The following ZNF664 variants were observed in gnomAD, a reference collection of about 807,000 sequenced individuals.
The protein encoded by ZNF664 is zinc finger Organ of Corti 1.
ZNF664 carries 10 observed loss-of-function variants against 18.2 expected under a neutral mutation model. That is an observed-to-expected ratio of 0.55 (90% CI 0.34 to 0.93). ZNF664 has a LOEUF of 0.93. ZNF664 is among the 40% of genes least tolerant of loss of function. ZNF664 has a pLI of 0.02. For synonymous variants in ZNF664, 119 were observed against 104.2 expected (o/e 1.14, Z -0.86); for missense variants, 193 against 319.0 (o/e 0.61, Z 3.01).
intron 2 of ZNF664, among the ~76,000 whole-genome samples, chr12:123,980,191 G>C (rs1314503552): frequency 6.6e-6 from 1 of 152,090 alleles, no homozygotes; most frequent in Non-Finnish European, 1.5e-5. Context: ...ATTTAATTCT[G>C]ATTACTTCAT....
At chr12:123,980,416 A>C (rs1393250338) in intron 2 of ZNF664, among the ~76,000 whole-genome samples, 3 of 152,254 alleles carry the variant, frequency 2.0e-5, no homozygotes, top group African/African-American at 7.2e-5. Context: ...ATATGTGTCA[A>C]GAGTCTTAAA....
chr12:123,985,163 C>T (rs998786640), intron 2 of ZNF664, among the ~76,000 whole-genome samples: 6 of 151,868 alleles, frequency 4.0e-5, no homozygotes, highest in East Asian at 1.9e-4. Context: ...TGGTCTTAGT[C>T]GGGGGATGGC....
intron 3 of ZNF664, among the ~76,000 whole-genome samples, chr12:123,999,881 A>G (rs1030576871): frequency 7.9e-5 from 12 of 152,226 alleles, no homozygotes; most frequent in Non-Finnish European, 1.3e-4. Context: ...GAAGGGGGCA[A>G]TAGCCACATA....
At chr12:123,988,287 C>G (rs1956847934) in intron 3 of ZNF664, 149 bp downstream of exon 3, 3 of 607,362 alleles carry the variant, frequency 4.9e-6, no homozygotes, top group Non-Finnish European at 7.2e-6. Flanking sequence ...TTCCTGACCT[C>G]TCGCCTTTAT....
Position 124,011,534 on chromosome 12 carries a change from T to C in ZNF664, c.-599-12T>C, listed in dbSNP as rs1957135985. On this transcript the variant is annotated splice_polypyrimidine_tract_variant and intron_variant, in intron 4 of 4. Transcript: ENST00000337815. ...AGCATTTTCAATTTATTTATTTATG[T>C]TTCTATTACAGGAGACGGCATGATA... 1 of 799,474 alleles carries C rather than the reference T, an allele frequency of 1.3e-6. No individual in the cohort carries two copies. The highest frequency in any genetic ancestry group is 1.9e-5 in the African/African-American group (1 of 53,070). The allele number at this position is 799,474 out of a possible 1,614,324, so 49.5% of individuals were successfully genotyped here. A position where few individuals can be genotyped will look rare whatever the true frequency, so the allele number is the denominator to read the frequency against.
intron 3 of ZNF664, among the ~76,000 whole-genome samples, chr12:123,995,903 A>G (rs1441881883): frequency 2.0e-5 from 3 of 152,202 alleles, no homozygotes; most frequent in Non-Finnish European, 2.9e-5. Flanking sequence ...GTGAGAGGGA[A>G]GATCTGGGGA....
At chr12:124,003,773 A>G (rs2138430593) in intron 3 of ZNF664, among the ~76,000 whole-genome samples, 1 of 152,224 alleles carries the variant, frequency 6.6e-6, no homozygotes, top group Middle Eastern at 3.4e-3. Flanking sequence ...GGAAGATGGG[A>G]GATTTGAAGA....
In ZNF664 at chr12:124,012,500, A is replaced by C. The variant is rs1957145085; in HGVS notation, c.356A>C (p.Glu119Ala). 6.2e-7 allele frequency: 1 copy of C among 1,614,096 alleles called. No individual in the cohort carries two copies. Among genetic ancestry groups the C allele is most frequent in the Non-Finnish European group, 8.5e-7 (1 of 1,180,054 alleles). Residue 119 changes from glutamate (E) to alanine (A), a missense_variant, in exon 5 of 5, where the codon GAG (glutamate) becomes GCG (alanine). Transcript: ENST00000337815. ...HTGEKPYVCS[E>A]CGRGFSNSSN... ...GGTGAGAAACCGTATGTCTGTAGTG[A>C]GTGTGGAAGGGGCTTTAGTAATAGT...
intron 2 of ZNF664, among the ~76,000 whole-genome samples, chr12:123,979,383 G>A (rs2138324213): frequency 6.6e-6 from 1 of 152,240 alleles, no homozygotes; most frequent in East Asian, 1.9e-4. Flanking sequence ...AGGGCATCAG[G>A]CAAAAATTAA....
intron 2 of ZNF664, among the ~76,000 whole-genome samples, chr12:123,976,876 C>T (rs538909292): frequency 2.6e-5 from 4 of 152,030 alleles, no homozygotes; most frequent in South Asian, 2.1e-4. Flanking sequence ...GTCAGGAGAC[C>T]GAGACCATCC....
intron 3 of ZNF664, among the ~76,000 whole-genome samples, chr12:123,992,520 C>A (rs531450586): frequency 6.6e-6 from 1 of 152,148 alleles, no homozygotes; most frequent in Non-Finnish European, 1.5e-5. Flanking sequence ...AAGCTGACTT[C>A]AGAACCCTTG....
chr12:123,993,704 CTTTAA>C (rs894615020), intron 3 of ZNF664, among the ~76,000 whole-genome samples: 4 of 152,124 alleles, frequency 2.6e-5, no homozygotes, highest in Non-Finnish European at 5.9e-5. Flanking sequence ...ACAACGTTTC[CTTTAA>C]TTTATTTTTT....
chr12:124,015,292 C>T lies in ZNF664; in HGVS notation c.*2362C>T, dbSNP rs3768. On this transcript the variant is annotated 3_prime_UTR_variant, in exon 5 of 5. Coordinates refer to ENST00000337815, the MANE Select transcript of ZNF664 (RefSeq NM_152437.3). ...GTTGAATTATTTTATCATGCTGTTGCTGGGGAATATGACTAACCCTTTTGA... is the reference window on the plus strand; with the variant it reads ...GTTGAATTATTTTATCATGCTGTTGTTGGGGAATATGACTAACCCTTTTGA... 33,634 of 166,876 alleles carry T rather than the reference C, an allele frequency of 0.2. 3,328 individuals carry two copies. Among genetic ancestry groups the T allele is most frequent in the African/African-American group, 0.29 (12,109 of 41,470 alleles). The allele number at this position is 166,876 out of a possible 1,614,324, so 10.3% of individuals were successfully genotyped here.
intron 2 of ZNF664, among the ~76,000 whole-genome samples, chr12:123,987,154 A>G (rs1402328567): frequency 2.6e-5 from 4 of 152,198 alleles, no homozygotes; most frequent in Non-Finnish European, 5.9e-5. Context: ...CCTTTCCCCC[A>G]AAGCTCTGGG....
intron 3 of ZNF664, among the ~76,000 whole-genome samples, chr12:123,996,216 A>G (rs543864846): frequency 1.3e-5 from 2 of 152,312 alleles, no homozygotes; most frequent in Non-Finnish European, 2.9e-5. Context: ...AGATGCAAGT[A>G]TAGGTATTAT....
At chr12:124,007,878 T>C (rs145827643) in intron 3 of ZNF664, among the ~76,000 whole-genome samples, 1,540 of 152,330 alleles carry the variant, frequency 0.01, 14 homozygotes, top group Non-Finnish European at 0.015. Context: ...AAGTCACACA[T>C]GTCAGACGAC....
intron 3 of ZNF664, among the ~76,000 whole-genome samples, chr12:124,006,381 C>CT (rs1957073975): frequency 6.6e-6 from 1 of 152,186 alleles, no homozygotes; most frequent in Admixed American, 6.5e-5. Context: ...GAACAGCCTT[C>CT]AAGGGAAACC....
Position 124,011,550 on chromosome 12 carries a change from C to T in ZNF664, c.-595C>T, listed in dbSNP as rs375649820. On this transcript the variant is annotated 5_prime_UTR_variant, in exon 5 of 5. It adds an upstream start codon to the 5' untranslated region. Coordinates refer to ENST00000337815, the MANE Select transcript of ZNF664 (RefSeq NM_152437.3). The stretch of plus-strand genomic sequence containing the variant: ...TTATTTATGTTTCTATTACAGGAGA[C>T]GGCATGATACCCATGTAGGGAATTC... 10 of 985,700 alleles carry T rather than the reference C, an allele frequency of 1.0e-5. No individual in the cohort carries two copies. Among genetic ancestry groups the T allele is most frequent in the East Asian group, 2.3e-4 (2 of 8,816 alleles). 61.1% of individuals were successfully genotyped at this position (985,700 alleles called of 1,614,324 possible).
chr12:123,973,908 A>C lies in ZNF664; in HGVS notation c.-869A>C. ...CAGGGCGCCCTGCGTCCGGCAGAGG[A>C]GGCGAGCATCCCGCTCAGGTGATGA... On this transcript the variant is annotated 5_prime_UTR_variant, in exon 2 of 5. Coordinates refer to ENST00000337815, the MANE Select transcript of ZNF664 (RefSeq NM_152437.3). 1 of 1,231,850 alleles carries C rather than the reference A, an allele frequency of 8.1e-7. No individual in the cohort carries two copies. The highest frequency in any genetic ancestry group is 1.0e-6 in the Non-Finnish European group (1 of 988,084). The allele number at this position is 1,231,850 out of a possible 1,614,324, so 76.3% of individuals were successfully genotyped here. A position where few individuals can be genotyped will look rare whatever the true frequency, so the allele number is the denominator to read the frequency against.
Sources: gnomAD v4.1 joint callset for allele counts (sites outside exome capture counted in the v4.1 genomes callset) on GRCh38, gnomAD v4.1.1 for gene constraint, MANE v1.5 for transcripts, NCBI Gene and HGNC (gene_info 2026-07-23, HGNC 2026-07-21) for gene names.